MAP1S: variants seen among roughly 807,000 people sequenced by gnomAD.
MAP1S encodes microtubule-associated protein 1S.
Under a neutral mutation model 60.9 loss-of-function variants are expected in MAP1S, and 27 were observed. That is an observed-to-expected ratio of 0.44 (90% confidence interval 0.33 to 0.61). MAP1S has a LOEUF of 0.61. Among genes scored for constraint, MAP1S ranks in the 20% least tolerant of loss-of-function variants. The pLI, the probability that MAP1S is intolerant of heterozygous loss-of-function variation, is 0.03. For synonymous variants in MAP1S, 826 were observed against 694.2 expected, an observed-to-expected ratio of 1.19 and a Z score of -2.98; for missense variants, 1,608 against 1,486.6, an observed-to-expected ratio of 1.08 and a Z score of -1.34.
intron 5 of MAP1S, 134 bp downstream of exon 5, chr19:17,728,306 G>C: frequency 9.8e-7 from 1 of 1,022,866 alleles, no homozygotes; most frequent in East Asian, 2.7e-5. Context: ...CTGGAGTGCA[G>C]TGGTGTGGTC....
In MAP1S at chr19:17,733,239, C is replaced by G. The variant is rs1312097189; in HGVS notation, c.2835C>G (p.Ser945=). The G allele has an allele frequency of 2.6e-6, 4 of 1,551,410 alleles. No homozygotes were observed. The highest frequency in any genetic ancestry group is 3.5e-6 in the Non-Finnish European group (4 of 1,148,156). ...RPGVSATPPK[S]PVYLDLAYLP... ...GGGTGTCAGCCACCCCACCCAAGTC[C>G]CCGGTCTACCTGGACCTGGCCTACC... is the stretch of plus-strand genomic sequence containing the variant. Residue 945 remains serine (S), a synonymous_variant, in exon 6 of 7, where the codon TCC becomes TCG. Transcript: ENST00000324096.
intron 2 of MAP1S, 134 bp from the exon 3 acceptor site, chr19:17,723,992 C>G: frequency 1.5e-6 from 1 of 664,806 alleles, no homozygotes; most frequent in Non-Finnish European, 2.7e-6. Context: ...CTTGCCTGGT[C>G]CTGACCTGCA....
intron 2 of MAP1S, 114 bp downstream of exon 2, chr19:17,721,151 A>T: frequency 2.4e-6 from 2 of 847,038 alleles, no homozygotes; most frequent in Non-Finnish European, 4.1e-6. Context: ...GTAATAATAC[A>T]GTTGAGACCT....
chr19:17,723,989 G>T (rs3761054), intron 2 of MAP1S, 137 bp from the exon 3 acceptor site: 108,328 of 643,214 alleles, frequency 0.17, 10,317 homozygotes, highest in Middle Eastern at 0.19. Flanking sequence ...TTTCTTGCCT[G>T]GTCCTGACCT....
chr19:17,726,234 C>A lies in MAP1S; in HGVS notation c.850C>A (p.Arg284Ser), dbSNP rs1445095913. Residue 284 changes from arginine (R) to serine (S), a missense_variant, in exon 5 of 7, where the codon CGC (arginine) becomes AGC (serine). Arg to Ser is a moderately radical substitution (Grantham distance 110, BLOSUM62 -1). Coordinates refer to ENST00000324096, the MANE Select transcript of MAP1S (RefSeq NM_018174.6). ...CTGGAAGCTGGTGCGGCACCTGGACCGCGTGGATGCCGTGCTGGTGACCCA... is the reference window on the plus strand; with the variant it reads ...CTGGAAGCTGGTGCGGCACCTGGACAGCGTGGATGCCGTGCTGGTGACCCA... ...SFWKLVRHLD[R>S]VDAVLVTHPG... is the part of the protein sequence containing the mutation. 2 of 1,608,236 alleles carry A rather than the reference C, an allele frequency of 1.2e-6. No individual in the cohort carries two copies. Among genetic ancestry groups the A allele is most frequent in the Non-Finnish European group, 1.7e-6 (2 of 1,177,710 alleles).
Position 17,727,258 on chromosome 19 carries a change from A to C in MAP1S, c.1874A>C (p.Glu625Ala), listed in dbSNP as rs2080442049. 6.4e-7 allele frequency: 1 copy of C among 1,574,118 alleles called. No individual in the cohort carries two copies. The highest frequency in any genetic ancestry group is 1.8e-5 in the Admixed American group (1 of 55,636). ...PIPAGEEKAL[E>A]LPLAASSIPR... Reference sequence around the variant, plus strand: ...CCAGCCGGGGAGGAGAAGGCACTGGAGCTGCCTTTGGCCGCCAGCTCAATC... The same window carrying C: ...CCAGCCGGGGAGGAGAAGGCACTGGCGCTGCCTTTGGCCGCCAGCTCAATC... The change falls in exon 5 of 7, where the codon GAG (glutamate) becomes GCG (alanine). Residue 625 changes from glutamate (E) to alanine (A), a missense_variant. By Grantham distance (107) the Glu-to-Ala change is moderately radical (BLOSUM62 -1). This residue lies in a region of MAP1S where 1,167 missense variants were observed against 961.4 expected (regional missense o/e 1.21). Transcript: ENST00000324096. This position sits in a 1 kb window ranked among gnomAD's most constrained non-coding sequence, Gnocchi z 4.1.
At position 17,727,263 on chromosome 19, in the gene MAP1S, C is replaced by A; in HGVS notation, c.1879C>A (p.Pro627Thr). The A allele has an allele frequency of 3.2e-6, 5 of 1,576,644 alleles. No homozygotes were observed. Among genetic ancestry groups the A allele is most frequent in the Non-Finnish European group, 3.4e-6 (4 of 1,166,808 alleles). ...PAGEEKALEL[P>T]LAASSIPRPR... is the part of the protein sequence containing the mutation. ...CGGGGAGGAGAAGGCACTGGAGCTG[C>A]CTTTGGCCGCCAGCTCAATCCCAAG... Residue 627 changes from proline (P) to threonine (T), a missense_variant, in exon 5 of 7, where the codon CCT (proline) becomes ACT (threonine). Physicochemically the swap from Pro to Thr is conservative, Grantham distance 38. Coordinates refer to ENST00000324096, the MANE Select transcript of MAP1S (RefSeq NM_018174.6). This position sits in a 1 kb window ranked among gnomAD's most constrained non-coding sequence, Gnocchi z 4.1.
At chr19:17,723,769 GA>G (rs2080391997) in intron 2 of MAP1S, among the ~76,000 whole-genome samples, 1 of 152,102 alleles carries the variant, frequency 6.6e-6, no homozygotes, top group African/African-American at 2.4e-5. Flanking sequence ...AGAATGGCGT[GA>G]ACCCGGGAGG....
chr19:17,728,586 G>A (rs1174405254), intron 5 of MAP1S, among the ~76,000 whole-genome samples: 1 of 150,042 alleles, frequency 6.7e-6, no homozygotes, highest in African/African-American at 2.5e-5. Context: ...ACAGAATTTC[G>A]TTCTTGTTGC....
chr19:17,733,006 G>A (rs2080505019), intron 5 of MAP1S, 187 bp from the exon 6 acceptor site: 12 of 564,310 alleles, frequency 2.1e-5, no homozygotes, highest in Non-Finnish European at 3.8e-5. Context: ...GGGCAGCATA[G>A]CGAGACCCCA....
rs1449003948 is a variant in MAP1S, at chr19:17,734,368, C to G, written c.3120C>G (p.Gly1040=). 3 of 1,613,634 alleles carry G rather than the reference C, an allele frequency of 1.9e-6. No homozygotes were observed. The highest frequency in any genetic ancestry group is 2.7e-5 in the African/African-American group (2 of 74,908). ...AGGCGCTGGGCATCACGGTGTTGGG[C>G]AGCAACAGCATGGTGTCCATGCAGG... The part of the protein sequence containing the change: ...RHQALGITVL[G]SNSMVSMQDD... The change falls in exon 7 of 7, where the codon GGC becomes GGG. Residue 1040 remains glycine, a synonymous_variant. Coordinates refer to ENST00000324096, the MANE Select transcript of MAP1S (RefSeq NM_018174.6).
In MAP1S at chr19:17,720,987, T is replaced by A; in HGVS notation, c.170T>A (p.Leu57His). 1 of 1,614,004 alleles carries A rather than the reference T, an allele frequency of 6.2e-7. No homozygotes were observed. Among genetic ancestry groups the A allele is most frequent in the Non-Finnish European group, 8.5e-7 (1 of 1,179,972 alleles). The change falls in exon 2 of 7, where the codon CTC (leucine) becomes CAC (histidine). Residue 57 changes from leucine to histidine, a missense_variant. By Grantham distance (99) the Leu-to-His change is moderately conservative. Coordinates refer to ENST00000324096, the MANE Select transcript of MAP1S (RefSeq NM_018174.6). Reference protein sequence around the residue: ...DPGVCNLDEQLKVFVSRHSAT... With the variant: ...DPGVCNLDEQHKVFVSRHSAT... ...GGCGTCTGCAACCTTGATGAACAGC[T>A]CAAGGTCTTTGTGTCCCGACACTCT...
chr19:17,725,311 A>G lies in MAP1S; in HGVS notation c.444+122A>G. The G allele has an allele frequency of 8.2e-7, 1 of 1,225,836 alleles. No individual in the cohort carries two copies. The allele number at this position is 1,225,836 out of a possible 1,614,324, so 75.9% of individuals were successfully genotyped here. On this transcript the variant is annotated intron_variant, in intron 4 of 6. Coordinates refer to ENST00000324096, the MANE Select transcript of MAP1S (RefSeq NM_018174.6). The surrounding 1 kb of genome is among the most constrained non-coding windows in gnomAD (Gnocchi z 4.2). ...GCCTGGTCTCCCCATCCTCTGTAGG[A>G]TGGCAGTGGTGACACATGCCTCCTG...
chr19:17,723,659 G>T (rs10412938), intron 2 of MAP1S, among the ~76,000 whole-genome samples: 3 of 151,940 alleles, frequency 2.0e-5, no homozygotes, highest in Non-Finnish European at 4.4e-5. Context: ...GACTATCCTG[G>T]CTTACACGGT....
chr19:17,720,985 G>A lies in MAP1S; in HGVS notation c.168G>A (p.Gln56=). ...VDPGVCNLDE[Q]LKVFVSRHSA... ...CTGGCGTCTGCAACCTTGATGAACA[G>A]CTCAAGGTCTTTGTGTCCCGACACT... is the stretch of plus-strand genomic sequence containing the variant. Residue 56 remains glutamine (Q), a synonymous_variant, in exon 2 of 7, where the codon CAG becomes CAA. Transcript: ENST00000324096. 1 of 1,614,124 alleles carries A rather than the reference G, an allele frequency of 6.2e-7. No individual in the cohort carries two copies. Among genetic ancestry groups the A allele is most frequent in the South Asian group, 1.1e-5 (1 of 91,084 alleles).
In MAP1S at chr19:17,726,146, C is replaced by G. The variant is rs1311195586; in HGVS notation, c.762C>G (p.Ala254=). ...YIFPGGLGDA[A]FFAVNGFTVL... ...TCCCTGGAGGCCTCGGGGATGCCGC[C>G]TTCTTCGCCGTCAATGGCTTCACTG... Residue 254 remains alanine (A), a synonymous_variant, in exon 5 of 7, where the codon GCC becomes GCG. Coordinates refer to ENST00000324096, the MANE Select transcript of MAP1S (RefSeq NM_018174.6). 7 of 1,613,844 alleles carry G rather than the reference C, an allele frequency of 4.3e-6. No individual in the cohort carries two copies. The African/African-American group carries it at 9.3e-5, about 22-fold the overall frequency.
At chr19:17,728,291 C>G (rs2080462626) in intron 5 of MAP1S, 119 bp downstream of exon 5, 1 of 1,173,790 alleles carries the variant, frequency 8.5e-7, no homozygotes, top group African/African-American at 1.6e-5. Context: ...CACTCTGTCT[C>G]TGAGCTGGAG....
chr19:17,725,709 C>T lies in MAP1S; in HGVS notation c.445-120C>T, dbSNP rs996229588. 13 of 995,432 alleles carry T rather than the reference C, an allele frequency of 1.3e-5. No homozygotes were observed. Among genetic ancestry groups the T allele is most frequent in the South Asian group, 4.9e-5 (3 of 61,032 alleles). The allele number at this position is 995,432 out of a possible 1,614,324, so 61.7% of individuals were successfully genotyped here. A position where few individuals can be genotyped will look rare whatever the true frequency, so the allele number is the denominator to read the frequency against. ...GGCGCTGGAGAGGGTTGGGTTTTGG[C>T]GGGAGGGCCCTGAGGAGCAGGCCCT... On this transcript the variant is annotated intron_variant, in intron 4 of 6. Coordinates refer to ENST00000324096, the MANE Select transcript of MAP1S (RefSeq NM_018174.6). The surrounding 1 kb of genome is among the most constrained non-coding windows in gnomAD (Gnocchi z 4.2).
intron 5 of MAP1S, chr19:17,732,964 A>C: frequency 3.8e-6 from 2 of 525,552 alleles, no homozygotes; most frequent in East Asian, 6.4e-5. Flanking sequence ...AGGCAGGAGG[A>C]TCACTTGAGC....
Sources: allele counts gnomAD v4.1 joint callset (sites outside exome capture counted in the v4.1 genomes callset), GRCh38; gene constraint gnomAD v4.1.1; regional missense constraint gnomAD v4.1.1; non-coding constraint Gnocchi (gnomAD v3.1); transcripts MANE v1.5; gene names NCBI Gene and HGNC (gene_info 2026-07-23, HGNC 2026-07-21).